Variants in MGLL observed in about 807,000 individuals in gnomAD.
MGLL encodes the protein monoglyceride lipase.
In MGLL, 7 loss-of-function variants were observed where a neutral mutation model predicts 29.1. The ratio of observed to expected loss-of-function variants is 0.24; its 90% CI spans 0.14 to 0.45. The LOEUF (loss-of-function observed/expected upper bound fraction) is 0.45. Among genes scored for constraint, MGLL ranks in the 20% least tolerant of loss-of-function variants. The probability of loss-of-function intolerance (pLI) is 0.99; values close to 1 mark genes in which losing one functional copy is unlikely to be tolerated. For missense variants in MGLL, 356 were observed against 413.6 expected, an observed-to-expected ratio of 0.86 and a Z score of 1.21; for synonymous variants, 148 against 168.3, an observed-to-expected ratio of 0.88 and a Z score of 0.93.
intron 2 of MGLL, among the ~76,000 whole-genome samples, chr3:127,796,931 C>G (rs2077392067): frequency 6.6e-6 from 1 of 152,172 alleles, no homozygotes; most frequent in Admixed American, 6.5e-5. Flanking sequence ...GCTAACATCT[C>G]TCTTTGGGCA....
At chr3:127,725,017 G>A (rs781737783) in intron 3 of MGLL, among the ~76,000 whole-genome samples, 2 of 151,808 alleles carry the variant, frequency 1.3e-5, no homozygotes, top group Non-Finnish European at 2.9e-5. Flanking sequence ...CAGCCCCCAA[G>A]CTGCCCTCTT....
At chr3:127,711,728 CT>C (rs34968677) in intron 5 of MGLL, 38,099 of 137,330 alleles carry the variant, frequency 0.28, 4,913 homozygotes, top group Middle Eastern at 0.48. Context: ...GTTTCCCTAT[CT>C]TTTTTTTTTT....
chr3:127,772,674 A>G (rs1019729745), intron 3 of MGLL, among the ~76,000 whole-genome samples: 6 of 152,106 alleles, frequency 3.9e-5, no homozygotes, highest in Non-Finnish European at 8.8e-5. Flanking sequence ...TATGCATCCA[A>G]AACTGCTGCT....
chr3:127,692,928 C>A (rs150696474), intron 7 of MGLL, among the ~76,000 whole-genome samples: 2 of 152,236 alleles, frequency 1.3e-5, no homozygotes, highest in African/African-American at 2.4e-5. Flanking sequence ...GGCTGGACTA[C>A]GGGCTTGGCT....
At chr3:127,703,191 G>T (rs1267439243) in intron 6 of MGLL, among the ~76,000 whole-genome samples, 1 of 152,190 alleles carries the variant, frequency 6.6e-6, no homozygotes, top group African/African-American at 2.4e-5. Flanking sequence ...TTGGAATGGA[G>T]GGCCCTGGAA....
intron 2 of MGLL, among the ~76,000 whole-genome samples, chr3:127,792,054 C>T (rs6792534): frequency 0.21 from 31,510 of 152,092 alleles, 3,906 homozygotes; most frequent in East Asian, 0.35. Flanking sequence ...GGCGACAGAG[C>T]GAGACTCTGT....
At chr3:127,712,087 T>C (rs1323791108) in intron 5 of MGLL, 1 of 152,100 alleles carries the variant, frequency 6.6e-6, no homozygotes, top group Non-Finnish European at 1.5e-5. Context: ...GATGAGAAAA[T>C]GGAGGCTCGG....
chr3:127,723,335 TG>T (rs1403266645), intron 3 of MGLL, among the ~76,000 whole-genome samples: 3 of 152,364 alleles, frequency 2.0e-5, no homozygotes, highest in South Asian at 2.1e-4. Flanking sequence ...TCTGGAGAAC[TG>T]GGACCACACA....
rs147413022 is a variant in MGLL at position 127,750,787 on chromosome 3, T to C, written c.263-28221A>G. On this transcript the variant is annotated intron_variant, in intron 3 of 7. Coordinates refer to ENST00000265052, the MANE Select transcript of MGLL (RefSeq NM_007283.7). ...GTCATGAGGGGAAAAAAATAAAGGCTTCCCTACCCCCAAACTGCAACTGTA... is the reference window on the plus strand; with the variant it reads ...GTCATGAGGGGAAAAAAATAAAGGCCTCCCTACCCCCAAACTGCAACTGTA... 6.3e-3 allele frequency among the ~76,000 whole-genome samples: 959 copies of C among 152,314 alleles called. 12 individuals are homozygous for C. The highest frequency in any genetic ancestry group is 0.022 in the African/African-American group (902 of 41,558).
intron 2 of MGLL, among the ~76,000 whole-genome samples, chr3:127,809,387 A>G (rs1312016972): frequency 6.6e-6 from 1 of 152,148 alleles, no homozygotes; most frequent in Non-Finnish European, 1.5e-5. Flanking sequence ...GCACTTTTGG[A>G]GGCTGAGGAG....
rs2107717360 is a variant in MGLL, at chr3:127,787,680, C to T, written c.156-5785G>A. On this transcript the variant is annotated intron_variant, in intron 2 of 7. Coordinates refer to ENST00000265052, the MANE Select transcript of MGLL (RefSeq NM_007283.7). Reference sequence around the variant, plus strand: ...TCCCACACCCCTGAGGGTGTCCTCGCTGGAGGGGTGGGAGCATCGCCTGCC... The same window carrying T: ...TCCCACACCCCTGAGGGTGTCCTCGTTGGAGGGGTGGGAGCATCGCCTGCC... Among the ~76,000 whole-genome samples the T allele has an allele frequency of 2.6e-5, 4 of 152,330 alleles. No individual in the cohort carries two copies. The Middle Eastern group carries it at 0.014, about 518-fold the overall frequency.
chr3:127,760,645 G>A (rs2076747610), intron 3 of MGLL, among the ~76,000 whole-genome samples: 1 of 152,216 alleles, frequency 6.6e-6, no homozygotes, highest in Non-Finnish European at 1.5e-5. Flanking sequence ...AAACCCCAGG[G>A]CCACTCGCCT....
intron 3 of MGLL, among the ~76,000 whole-genome samples, chr3:127,727,678 C>A (rs989129207): frequency 4.9e-5 from 7 of 141,512 alleles, no homozygotes; most frequent in Non-Finnish European, 1.5e-5. Context: ...TGCCACTGGG[C>A]TCCAGCCTGG....
At chr3:127,791,483 T>C (rs957207437) in intron 2 of MGLL, among the ~76,000 whole-genome samples, 10 of 152,214 alleles carry the variant, frequency 6.6e-5, no homozygotes, top group African/African-American at 2.4e-4. Context: ...GGAGTATCTG[T>C]GCATCTCTAA....
At chr3:127,808,237 T>G (rs933538380) in intron 2 of MGLL, among the ~76,000 whole-genome samples, 1 of 152,204 alleles carries the variant, frequency 6.6e-6, no homozygotes, top group African/African-American at 2.4e-5. Flanking sequence ...GGCTCAGTAC[T>G]GTTAGGTTTG....
intron 3 of MGLL, among the ~76,000 whole-genome samples, chr3:127,725,379 T>G (rs2076012239): frequency 6.6e-6 from 1 of 152,260 alleles, no homozygotes; most frequent in Non-Finnish European, 1.5e-5. Context: ...CAAAGTGGCA[T>G]GAAAGATGTA....
chr3:127,751,635 T>C (rs762873777), intron 3 of MGLL, among the ~76,000 whole-genome samples: 1 of 151,264 alleles, frequency 6.6e-6, no homozygotes, highest in South Asian at 2.1e-4. Context: ...TGAAGCATCA[T>C]GAGATAGATA....
At chr3:127,704,503 A>G (rs1004015526) in intron 6 of MGLL, among the ~76,000 whole-genome samples, 2 of 152,236 alleles carry the variant, frequency 1.3e-5, no homozygotes, top group Admixed American at 6.5e-5. Flanking sequence ...CCACCTGACA[A>G]AGGTCTAATA....
intron 2 of MGLL, among the ~76,000 whole-genome samples, chr3:127,806,352 T>C (rs924332962): frequency 2.0e-5 from 3 of 152,226 alleles, no homozygotes; most frequent in Admixed American, 6.5e-5. Context: ...TCAGTAAATA[T>C]TTACTGAATG....
Sources: gnomAD v4.1 joint callset for allele counts (sites outside exome capture counted in the v4.1 genomes callset) on GRCh38, gnomAD v4.1.1 for gene constraint, MANE v1.5 for transcripts, NCBI Gene and HGNC (gene_info 2026-07-23, HGNC 2026-07-21) for gene names.